VWA8: variants seen among roughly 807,000 people sequenced by gnomAD.
VWA8 encodes von Willebrand factor A domain containing 8, also known as von Willebrand factor A domain-containing protein 8.
VWA8 carries 221 observed loss-of-function variants against 241.5 expected under a neutral mutation model. The ratio of observed to expected loss-of-function variants is 0.91; its 90% CI spans 0.82 to 1.02. VWA8 has a LOEUF of 1.02. Ranked by LOEUF, VWA8 falls within the 50% of genes least tolerant of loss-of-function variation. The pLI, the probability that VWA8 is intolerant of heterozygous loss-of-function variation, is 0.00. For synonymous variants in VWA8, 852 were observed against 827.1 expected, an observed-to-expected ratio of 1.03 and a Z score of -0.52; for missense variants, 2,322 against 2,328.7, an observed-to-expected ratio of 1.00 and a Z score of 0.06.
At chr13:41,706,091 C>T (rs1054774727) in intron 26 of VWA8, among the ~76,000 whole-genome samples, 4 of 152,044 alleles carry the variant, frequency 2.6e-5, no homozygotes, top group African/African-American at 9.7e-5. Flanking sequence ...ATAAACCGTA[C>T]CAAACAATCA....
chr13:41,846,048 C>T (rs1200795816), intron 12 of VWA8, among the ~76,000 whole-genome samples: 2 of 142,450 alleles, frequency 1.4e-5, no homozygotes, highest in South Asian at 2.3e-4. Flanking sequence ...CTTTTTAGTT[C>T]TTTTTTTTTT....
chr13:41,749,192 A>C (rs1174872167), intron 21 of VWA8, among the ~76,000 whole-genome samples: 1 of 152,364 alleles, frequency 6.6e-6, no homozygotes, highest in South Asian at 2.1e-4. Context: ...AAAATGGGCA[A>C]AGGATATGAA....
chr13:41,688,487 G>C (rs982912446), intron 34 of VWA8, among the ~76,000 whole-genome samples: 1 of 151,954 alleles, frequency 6.6e-6, no homozygotes, highest in Non-Finnish European at 1.5e-5. Flanking sequence ...GGAAGATGTC[G>C]CCCAGTTTCA....
chr13:41,583,570 G>A (rs894761307), intron 42 of VWA8, among the ~76,000 whole-genome samples: 1 of 150,652 alleles, frequency 6.6e-6, no homozygotes, highest in East Asian at 2.0e-4. Context: ...TTGAACCTGG[G>A]AGGCGGAGGC....
intron 12 of VWA8, among the ~76,000 whole-genome samples, chr13:41,843,477 G>T (rs1182413374): frequency 6.6e-6 from 1 of 151,996 alleles, no homozygotes; most frequent in Non-Finnish European, 1.5e-5. Context: ...GCTAGCAGAA[G>T]AAAAGAAATA....
chr13:41,939,112 C>G (rs149692289), intron 2 of VWA8, among the ~76,000 whole-genome samples: 1 of 152,046 alleles, frequency 6.6e-6, no homozygotes, highest in African/African-American at 2.4e-5. Context: ...GTCCAGTAAA[C>G]CTTAAATGGC....
chr13:41,659,535 A>C lies in VWA8; in HGVS notation c.4611+11411T>G, dbSNP rs192507376. On this transcript the variant is annotated intron_variant, in intron 37 of 44. Coordinates refer to ENST00000379310, the MANE Select transcript of VWA8 (RefSeq NM_015058.2). ...TCTTCCTTCTTTTAAAACTGCTATT[A>C]GAATAGTATTAGTGAAAACAGTGTT... is the stretch of plus-strand genomic sequence containing the variant. Among the ~76,000 whole-genome samples, 22 of 152,310 alleles carry C rather than the reference A, an allele frequency of 1.4e-4. No homozygotes were observed. The East Asian group carries it at 3.5e-3, about 24-fold the overall frequency.
intron 23 of VWA8, among the ~76,000 whole-genome samples, chr13:41,728,425 G>A (rs2045454654): frequency 6.6e-6 from 1 of 152,024 alleles, no homozygotes; most frequent in South Asian, 2.1e-4. Context: ...TGTTCAAAAT[G>A]TCAGCTACAA....
chr13:41,731,742 T>A (rs972259912), intron 22 of VWA8, among the ~76,000 whole-genome samples: 3 of 152,042 alleles, frequency 2.0e-5, no homozygotes, highest in African/African-American at 7.2e-5. Flanking sequence ...ATGGGGGCAG[T>A]TTCCCCCATA....
intron 40 of VWA8, among the ~76,000 whole-genome samples, chr13:41,596,279 C>G (rs1320749597): frequency 2.0e-5 from 3 of 151,950 alleles, no homozygotes; most frequent in Admixed American, 2.0e-4. Flanking sequence ...TATCCTCTAG[C>G]CAGCCCACAA....
intron 42 of VWA8, among the ~76,000 whole-genome samples, chr13:41,585,647 C>T (rs747277863): frequency 8.6e-5 from 13 of 152,032 alleles, no homozygotes; most frequent in African/African-American, 2.2e-4. Context: ...GGGCAGATCA[C>T]GAGGTCAGGA....
chr13:41,609,039 T>C (rs1346371510), intron 39 of VWA8, among the ~76,000 whole-genome samples: 2 of 152,210 alleles, frequency 1.3e-5, no homozygotes, highest in Non-Finnish European at 2.9e-5. Context: ...ATTCCATTAC[T>C]TGTATGCACG....
At chr13:41,609,693 G>A (rs2044575013) in intron 39 of VWA8, among the ~76,000 whole-genome samples, 1 of 152,060 alleles carries the variant, frequency 6.6e-6, no homozygotes, top group African/African-American at 2.4e-5. Context: ...TTGGTGTTTT[G>A]CTGTGCCCCA....
chr13:41,874,005 C>A, intron 9 of VWA8, among the ~76,000 whole-genome samples: 1 of 152,092 alleles, frequency 6.6e-6, no homozygotes, highest in Non-Finnish European at 1.5e-5. Context: ...TGGGCTTCAT[C>A]CCTGGGATGC....
intron 14 of VWA8, 101 bp downstream of exon 14, chr13:41,830,428 C>A: frequency 2.0e-6 from 2 of 993,174 alleles, no homozygotes; most frequent in Non-Finnish European, 1.5e-6. Context: ...TTAAATTGTT[C>A]AAAGTTATCT....
intron 13 of VWA8, among the ~76,000 whole-genome samples, chr13:41,831,405 T>A (rs993409231): frequency 6.6e-6 from 1 of 152,192 alleles, no homozygotes. Context: ...CTCTCTAAAC[T>A]CTCGTCTTCC....
At chr13:41,573,486 A>ATAAATAAAT (rs1555303592) in intron 43 of VWA8, among the ~76,000 whole-genome samples, 22 of 113,596 alleles carry the variant, frequency 1.9e-4, no homozygotes, top group East Asian at 1.6e-3. Context: ...AAAAAAAAAA[A>ATAAATAAAT]ATATATATAT....
At chr13:41,915,940 G>A (rs1876234151) in intron 2 of VWA8, among the ~76,000 whole-genome samples, 1 of 152,066 alleles carries the variant, frequency 6.6e-6, no homozygotes, top group Non-Finnish European at 1.5e-5. Flanking sequence ...ACATACAAAC[G>A]ATTTTTCACA....
At chr13:41,930,259 C>T (rs897106487) in intron 2 of VWA8, among the ~76,000 whole-genome samples, 14 of 152,026 alleles carry the variant, frequency 9.2e-5, no homozygotes, top group Admixed American at 2.6e-4. Context: ...GAAAAGAGTG[C>T]GCACTGTTGG....
Sources: allele counts gnomAD v4.1 joint callset (sites outside exome capture counted in the v4.1 genomes callset), GRCh38; gene constraint gnomAD v4.1.1; transcripts MANE v1.5; gene names NCBI Gene and HGNC (gene_info 2026-07-23, HGNC 2026-07-21).